MAD1L1: variants seen among roughly 807,000 people sequenced by gnomAD.
MAD1L1 encodes the protein mitotic arrest deficient 1 like 1.
A neutral mutation model predicts 96.9 loss-of-function variants in MAD1L1; 95 were observed. The observed-to-expected ratio is 0.98, with a 90% CI of 0.83 to 1.16. The LOEUF is 1.16. MAD1L1 is among the 50% of genes most tolerant of loss of function. MAD1L1 has a pLI of 0.00. For synonymous variants in MAD1L1, 473 were observed against 396.6 expected, an observed-to-expected ratio of 1.19 and a Z score of -2.29; for missense variants, 1,007 against 954.4, an observed-to-expected ratio of 1.06 and a Z score of -0.73.
At chr7:2,098,869 A>C (rs1046507575) in intron 11 of MAD1L1, among the ~76,000 whole-genome samples, 4 of 152,192 alleles carry the variant, frequency 2.6e-5, no homozygotes, top group African/African-American at 4.8e-5. Flanking sequence ...AAGCCCCTGG[A>C]GGGCCAAATA....
chr7:1,904,334 C>T (rs1402954507), intron 17 of MAD1L1, among the ~76,000 whole-genome samples: 1,086 of 66,046 alleles, frequency 0.016, 6 homozygotes, highest in Middle Eastern at 0.053. Flanking sequence ...TGAAGCACTG[C>T]TCCAGGCAGC....
At chr7:2,206,740 T>C (rs1011668034) in intron 10 of MAD1L1, among the ~76,000 whole-genome samples, 66 of 152,268 alleles carry the variant, frequency 4.3e-4, no homozygotes, top group African/African-American at 1.5e-3. Flanking sequence ...TTTTTGAAAC[T>C]GTTATGGCTA....
intron 17 of MAD1L1, among the ~76,000 whole-genome samples, chr7:1,910,513 C>G (rs969073850): frequency 1.3e-5 from 2 of 152,250 alleles, no homozygotes; most frequent in Non-Finnish European, 2.9e-5. Flanking sequence ...GGAGCCCACG[C>G]TGGGCACTGC....
chr7:2,202,767 G>A (rs377213559), intron 10 of MAD1L1, among the ~76,000 whole-genome samples: 5 of 152,184 alleles, frequency 3.3e-5, no homozygotes, highest in Non-Finnish European at 7.3e-5. Context: ...TCACGCGCAC[G>A]GTAACTAGGA....
rs1352045854 is a variant in MAD1L1, at chr7:2,102,324, G to A, written c.1074-32986C>T. Among the ~76,000 whole-genome samples the A allele has an allele frequency of 4.4e-5, 5 of 114,510 alleles. No individual in the cohort carries two copies. In the South Asian group the frequency reaches 9.2e-4, roughly 21 times the overall value. The allele number at this position is 114,510 out of a possible 152,430, so 75.1% of individuals were successfully genotyped here. ...CATCACCACCGTCACCATCACCGCC[G>A]TCACCATCACCATCACCACCGCCAC... On this transcript the variant is annotated intron_variant, in intron 11 of 18. Transcript: ENST00000265854.
intron 18 of MAD1L1, among the ~76,000 whole-genome samples, chr7:1,897,782 C>T (rs1481591257): frequency 1.3e-5 from 2 of 152,230 alleles, no homozygotes; most frequent in South Asian, 2.1e-4. Context: ...TCTGGGACTG[C>T]GCTGTCCCAC....
chr7:2,179,667 C>T (rs1211288008), intron 10 of MAD1L1, among the ~76,000 whole-genome samples: 1 of 151,456 alleles, frequency 6.6e-6, no homozygotes, highest in East Asian at 2.0e-4. Flanking sequence ...CCTTAAGATC[C>T]CAATTAAAAG....
Position 2,146,269 on chromosome 7 carries a change from G to A in MAD1L1, c.1073+2883C>T, listed in dbSNP as rs532536855. 1.1e-4 allele frequency among the ~76,000 whole-genome samples: 17 copies of A among 150,052 alleles called. No individual in the cohort carries two copies. The highest frequency in any genetic ancestry group is 4.2e-4 in the South Asian group (2 of 4,792). ...GAGGGAGCACCGGGCACTGGGCTACGAGGAACAGGGTACCACCTCGATGAG... is the reference window on the plus strand; with the variant it reads ...GAGGGAGCACCGGGCACTGGGCTACAAGGAACAGGGTACCACCTCGATGAG... On this transcript the variant is annotated intron_variant, in intron 11 of 18. Transcript: ENST00000265854. This position sits in a 1 kb window ranked among gnomAD's most constrained non-coding sequence, Gnocchi z 6.2.
chr7:2,193,893 G>A (rs62442476), intron 10 of MAD1L1, among the ~76,000 whole-genome samples: 4,642 of 150,268 alleles, frequency 0.031, 175 homozygotes, highest in East Asian at 0.19. Context: ...GCTCTGCATG[G>A]GAAAGAAAAG....
At chr7:2,118,251 A>G (rs1787810154) in intron 11 of MAD1L1, among the ~76,000 whole-genome samples, 1 of 152,246 alleles carries the variant, frequency 6.6e-6, no homozygotes, top group African/African-American at 2.4e-5. Context: ...TCCAGGGCAC[A>G]GTGCCAGCCC....
At chr7:2,200,762 C>T (rs936172254) in intron 10 of MAD1L1, among the ~76,000 whole-genome samples, 4 of 152,226 alleles carry the variant, frequency 2.6e-5, no homozygotes, top group African/African-American at 7.2e-5. Context: ...TGCACACGGC[C>T]CCCCTGCAGC....
intron 12 of MAD1L1, among the ~76,000 whole-genome samples, chr7:2,032,680 G>C (rs1418486797): frequency 6.6e-6 from 1 of 152,234 alleles, no homozygotes; most frequent in Non-Finnish European, 1.5e-5. Context: ...CACCAGGCTC[G>C]AGGGACCCTG....
intron 13 of MAD1L1, among the ~76,000 whole-genome samples, chr7:2,006,703 C>T (rs571224243): frequency 1.1e-4 from 16 of 152,118 alleles, no homozygotes; most frequent in African/African-American, 3.9e-4. Flanking sequence ...ACCCGCACGG[C>T]CCAGCACAGG....
chr7:2,160,102 G>A (rs1562740755), intron 10 of MAD1L1, among the ~76,000 whole-genome samples: 1 of 152,048 alleles, frequency 6.6e-6, no homozygotes, highest in African/African-American at 2.4e-5. Flanking sequence ...CTGGTGGGGA[G>A]TGCCTATAGT....
intron 17 of MAD1L1, 21 bp downstream of exon 17, chr7:1,936,666 C>G: frequency 1.3e-6 from 2 of 1,543,780 alleles, no homozygotes; most frequent in Non-Finnish European, 1.7e-6. Context: ...ATGGCAGGGA[C>G]CGGGGGTGGG....
intron 12 of MAD1L1, among the ~76,000 whole-genome samples, chr7:2,059,016 GGA>G (rs1784511156): frequency 8.4e-6 from 1 of 118,884 alleles, no homozygotes; most frequent in Non-Finnish European, 1.8e-5. Flanking sequence ...TGTGGCCAGA[GGA>G]GAGAAGCAGG....
chr7:2,174,804 C>T (rs987361765), intron 10 of MAD1L1, among the ~76,000 whole-genome samples: 1 of 152,204 alleles, frequency 6.6e-6, no homozygotes, highest in African/African-American at 2.4e-5. Context: ...GAGGTTTCTT[C>T]CTGGAAGTTT....
intron 13 of MAD1L1, among the ~76,000 whole-genome samples, chr7:2,009,596 C>T (rs1225868817): frequency 6.6e-6 from 1 of 152,208 alleles, no homozygotes; most frequent in East Asian, 1.9e-4. Flanking sequence ...TACACAGAAG[C>T]TCTCCCTGTG....
rs117545938 is a variant in MAD1L1, at chr7:1,914,437, C to T, written c.1808-16047G>A. Among the ~76,000 whole-genome samples, 242 of 152,310 alleles carry T rather than the reference C, an allele frequency of 1.6e-3. 5 individuals carry two copies. In the East Asian group the frequency reaches 0.041, roughly 26 times the overall value. The stretch of plus-strand genomic sequence containing the variant: ...GCTAGAGATCCGAAGATGTGCGCTC[C>T]GGCTCTGAGGGTGGAGGAAAGGCCG... On this transcript the variant is annotated intron_variant, in intron 17 of 18. Coordinates refer to ENST00000265854, the MANE Select transcript of MAD1L1 (RefSeq NM_001013836.2).
Sources: allele counts gnomAD v4.1 joint callset (sites outside exome capture counted in the v4.1 genomes callset), GRCh38; gene constraint gnomAD v4.1.1; non-coding constraint Gnocchi (gnomAD v3.1); transcripts MANE v1.5; gene names NCBI Gene and HGNC (gene_info 2026-07-23, HGNC 2026-07-21).